The following PCDHGA4 variants were observed in gnomAD, a reference collection of about 807,000 sequenced individuals.
PCDHGA4 encodes protocadherin gamma-A4.
In PCDHGA4, 38 loss-of-function variants were observed where a neutral mutation model predicts 54.6. The observed-to-expected ratio is 0.70, with a 90% CI of 0.54 to 0.91. PCDHGA4 has a LOEUF of 0.91. Ranked by LOEUF, PCDHGA4 falls within the 40% of genes least tolerant of loss-of-function variation. PCDHGA4 has a pLI of 0.00. For synonymous variants in PCDHGA4, 511 were observed against 512.9 expected (o/e 1.00, Z 0.05); for missense variants, 1,298 against 1,220.9 (o/e 1.06, Z -0.94).
rs4042104 is a variant in PCDHGA4 at position 141,489,091 on chromosome 5, T to TAAG, written c.2515-5713_2515-5711dup. On this transcript the variant is annotated intron_variant, in intron 1 of 3. Transcript: ENST00000571252. This position sits in a 1 kb window ranked among gnomAD's most constrained non-coding sequence, Gnocchi z 4.5. Reference sequence around the variant, plus strand: ...CTGCCCACCCCCGCCACTCGGTGACTAAGAACTGCTGCAAGCAGGCAAACC... The same window carrying TAAG: ...CTGCCCACCCCCGCCACTCGGTGACTAAGAAGAACTGCTGCAAGCAGGCAAACC... 136,009 of 332,164 alleles carry TAAG rather than the reference T, an allele frequency of 0.41. 28,517 individuals are homozygous for TAAG. The highest frequency in any genetic ancestry group is 0.54 in the Admixed American group (11,651 of 21,676). The allele number at this position is 332,164 out of a possible 1,614,324, so 20.6% of individuals were successfully genotyped here.
At chr5:141,414,287 C>A (rs374229359) in intron 1 of PCDHGA4, 4 of 1,613,316 alleles carry the variant, frequency 2.5e-6, no homozygotes, top group Non-Finnish European at 3.4e-6. Flanking sequence ...ACAGTCGTAG[C>A]CCTTTTAAAT....
Position 141,476,064 on chromosome 5 carries a change from C to T in PCDHGA4, c.2515-18743C>T, listed in dbSNP as rs1593605493. On this transcript the variant is annotated intron_variant, in intron 1 of 3. Transcript: ENST00000571252. The surrounding 1 kb of genome is among the most constrained non-coding windows in gnomAD (Gnocchi z 7.6). Reference sequence around the variant, plus strand: ...CGCTAACCCGCTGAAAGTTTCTCAGCGAAATCTCAGGGACGATCTGGACCC... The same window carrying T: ...CGCTAACCCGCTGAAAGTTTCTCAGTGAAATCTCAGGGACGATCTGGACCC... 2.0e-6 allele frequency: 3 copies of T among 1,510,080 alleles called. No homozygotes were observed. In the East Asian group the frequency reaches 6.8e-5, roughly 34 times the overall value. 93.5% of individuals were successfully genotyped at this position (1,510,080 alleles called of 1,614,324 possible). A position where few individuals can be genotyped will look rare whatever the true frequency, so the allele number is the denominator to read the frequency against.
intron 1 of PCDHGA4, chr5:141,427,102 C>T (rs1363595185): frequency 6.6e-6 from 3 of 457,858 alleles, no homozygotes; most frequent in South Asian, 3.1e-5. Flanking sequence ...GGTGTCAATG[C>T]GGAGATCACC....
chr5:141,367,098 G>A, intron 1 of PCDHGA4: 1 of 248,510 alleles, frequency 4.0e-6, no homozygotes. Flanking sequence ...TCTTTTGAGT[G>A]TCTGCCTAGA....
chr5:141,357,261 G>C lies in PCDHGA4; in HGVS notation c.2154G>C (p.Ser718=), dbSNP rs373241881. ...SLKPSADPDD[S]GLTLYLVVAV... ...AGCCTTCAGCAGACCCAGACGACTC[G>C]GGCCTCACACTCTATCTCGTGGTGG... is the stretch of plus-strand genomic sequence containing the variant. The change falls in exon 1 of 4, where the codon TCG becomes TCC. Residue 718 remains serine, a synonymous_variant. Coordinates refer to ENST00000571252, the MANE Select transcript of PCDHGA4 (RefSeq NM_018917.4). 86 of 1,613,714 alleles carry C rather than the reference G, an allele frequency of 5.3e-5. No homozygotes were observed. The African/African-American group carries it at 1.0e-3, about 19-fold the overall frequency.
intron 1 of PCDHGA4, among the ~76,000 whole-genome samples, chr5:141,387,210 C>T (rs944882080): frequency 3.9e-5 from 6 of 152,012 alleles, no homozygotes; most frequent in Non-Finnish European, 5.9e-5. Context: ...CTGATACTCT[C>T]CGGAAAAAGT....
chr5:141,414,855 C>G, intron 1 of PCDHGA4: 1 of 1,614,238 alleles, frequency 6.2e-7, no homozygotes, highest in South Asian at 1.1e-5. Flanking sequence ...TGGACCAGAA[C>G]GACAATGCGC....
intron 1 of PCDHGA4, chr5:141,362,273 T>C: frequency 6.2e-7 from 1 of 1,614,072 alleles, no homozygotes; most frequent in African/African-American, 1.3e-5. Flanking sequence ...GCAATCTCCC[T>C]GCGCCTGCGA....
At chr5:141,399,798 G>T (rs2093890900) in intron 1 of PCDHGA4, 2 of 1,613,118 alleles carry the variant, frequency 1.2e-6, no homozygotes, top group Non-Finnish European at 1.7e-6. Context: ...ACGCACCGCG[G>T]GTGCTGTACC....
At chr5:141,388,606 T>G in intron 1 of PCDHGA4, 1 of 1,613,906 alleles carries the variant, frequency 6.2e-7, no homozygotes, top group South Asian at 1.1e-5. Context: ...AATGCTCCAG[T>G]GTTCAGTCAA....
At chr5:141,403,773 A>G (rs1286965459) in intron 1 of PCDHGA4, 5 of 1,613,956 alleles carry the variant, frequency 3.1e-6, no homozygotes, top group Non-Finnish European at 4.2e-6. Flanking sequence ...GAGGGAATCA[A>G]CGGAAAAGTG....
chr5:141,384,092 T>C, intron 1 of PCDHGA4: 1 of 1,596,242 alleles, frequency 6.3e-7, no homozygotes. Flanking sequence ...GAAAAATCAA[T>C]AGATAATTAT....
At position 141,489,335 on chromosome 5, in the gene PCDHGA4, G is replaced by C. The variant is rs138015049; in HGVS notation, c.2515-5472G>C. 1.4e-5 allele frequency: 22 copies of C among 1,607,364 alleles called. No individual in the cohort carries two copies. Among genetic ancestry groups the C allele is most frequent in the Non-Finnish European group, 1.9e-5 (22 of 1,175,842 alleles). The stretch of plus-strand genomic sequence containing the variant: ...TGGGGCTGGGTGTCTGGGCAGCTTC[G>C]TTACTCAGTGGTGGAGGAGTCTGAG... On this transcript the variant is annotated intron_variant, in intron 1 of 3. Transcript: ENST00000571252. This position sits in a 1 kb window ranked among gnomAD's most constrained non-coding sequence, Gnocchi z 4.5.
chr5:141,412,131 G>A (rs2095537626), intron 1 of PCDHGA4: 1 of 152,156 alleles, frequency 6.6e-6, no homozygotes, highest in Non-Finnish European at 1.5e-5. Flanking sequence ...CTGGACTTTG[G>A]CCTCTGATAC....
At chr5:141,366,550 T>G in intron 1 of PCDHGA4, 2 of 1,614,254 alleles carry the variant, frequency 1.2e-6, no homozygotes, top group Non-Finnish European at 8.5e-7. Context: ...CCTCGCACTT[T>G]GTGGGCGTGG....
chr5:141,393,350 C>T (rs775303289), intron 1 of PCDHGA4: 25 of 1,613,840 alleles, frequency 1.5e-5, no homozygotes, highest in Non-Finnish European at 1.9e-5. Flanking sequence ...ACCACTTCTC[C>T]CTGGACGTGC....
intron 1 of PCDHGA4, chr5:141,366,502 G>A (rs1764600117): frequency 1.9e-6 from 3 of 1,614,150 alleles, no homozygotes; most frequent in Non-Finnish European, 1.7e-6. Context: ...AGTCACGCCT[G>A]CTTCAGGCTG....
chr5:141,441,295 A>C (rs952946372), intron 1 of PCDHGA4: 3 of 152,240 alleles, frequency 2.0e-5, no homozygotes, highest in Non-Finnish European at 4.4e-5. Flanking sequence ...CACATGTCTG[A>C]TATAAGAAAA....
intron 1 of PCDHGA4, chr5:141,422,466 G>T: frequency 1.2e-6 from 2 of 1,613,528 alleles, no homozygotes; most frequent in Non-Finnish European, 1.7e-6. Flanking sequence ...TGCTGGACAG[G>T]GAGTTGGTCC....
Sources: gnomAD v4.1 joint callset for allele counts (sites outside exome capture counted in the v4.1 genomes callset) on GRCh38, gnomAD v4.1.1 for gene constraint, Gnocchi (gnomAD v3.1) non-coding constraint, MANE v1.5 for transcripts, NCBI Gene and HGNC (gene_info 2026-07-23, HGNC 2026-07-21) for gene names.